The following STXBP6 variants were observed in gnomAD, a reference collection of about 807,000 sequenced individuals.
STXBP6 encodes syntaxin-binding protein 6.
Under a neutral mutation model 26.9 loss-of-function variants are expected in STXBP6, and 21 were observed. That is an observed-to-expected ratio of 0.78 (90% CI 0.55 to 1.12). The LOEUF (loss-of-function observed/expected upper bound fraction) is 1.12. Ranked by LOEUF, STXBP6 falls within the 50% of genes most tolerant of loss-of-function variation. The pLI is 0.00. For synonymous variants in STXBP6, 97 were observed against 92.6 expected (o/e 1.05, Z -0.27); for missense variants, 232 against 257.9 (o/e 0.90, Z 0.69).
intron 1 of STXBP6, among the ~76,000 whole-genome samples, chr14:25,020,544 G>A (rs1043214155): frequency 1.3e-5 from 2 of 151,896 alleles, no homozygotes; most frequent in South Asian, 4.2e-4. Context: ...CAACCCTATC[G>A]AAACTCTGGT....
intron 2 of STXBP6, among the ~76,000 whole-genome samples, chr14:24,946,004 A>G (rs1183580100): frequency 1.3e-5 from 2 of 152,238 alleles, no homozygotes; most frequent in African/African-American, 4.8e-5. Context: ...TGGTGGATCG[A>G]GACATACACC....
Position 25,037,832 on chromosome 14 carries a change from A to C in STXBP6, c.-33+12046T>G, listed in dbSNP as rs1467433111. On this transcript the variant is annotated intron_variant, in intron 1 of 5. Transcript: ENST00000323944. ...TCATCTGGAGATCAAATGGTTTTACACTTTCAAGTGGTCTCTGACTTTACA... is the reference window on the plus strand; with the variant it reads ...TCATCTGGAGATCAAATGGTTTTACCCTTTCAAGTGGTCTCTGACTTTACA... 3.9e-5 allele frequency among the ~76,000 whole-genome samples: 6 copies of C among 152,344 alleles called. No homozygotes were observed. In the East Asian group the frequency reaches 7.7e-4, roughly 20 times the overall value.
At chr14:24,902,284 C>T (rs990580776) in intron 2 of STXBP6, among the ~76,000 whole-genome samples, 1 of 152,084 alleles carries the variant, frequency 6.6e-6, no homozygotes, top group Non-Finnish European at 1.5e-5. Flanking sequence ...TATGTTAGAA[C>T]TCCATGCCTG....
intron 1 of STXBP6, among the ~76,000 whole-genome samples, chr14:25,033,537 G>A (rs765609305): frequency 2.0e-5 from 3 of 152,096 alleles, no homozygotes; most frequent in Non-Finnish European, 4.4e-5. Flanking sequence ...TCCAGCCATA[G>A]AGGGCTTCTG....
chr14:24,837,619 A>G (rs1415708120), intron 4 of STXBP6, among the ~76,000 whole-genome samples: 1 of 152,200 alleles, frequency 6.6e-6, no homozygotes, highest in Non-Finnish European at 1.5e-5. Context: ...AACACCTAAC[A>G]TCCCAGTCAA....
intron 1 of STXBP6, among the ~76,000 whole-genome samples, chr14:25,026,378 C>G (rs1446572780): frequency 1.3e-5 from 2 of 152,126 alleles, no homozygotes; most frequent in African/African-American, 4.8e-5. Context: ...CCCCTAAAGC[C>G]AGGTGTGCTT....
chr14:24,851,108 G>A (rs2069134317), intron 4 of STXBP6, among the ~76,000 whole-genome samples: 1 of 152,062 alleles, frequency 6.6e-6, no homozygotes, highest in African/African-American at 2.4e-5. Flanking sequence ...CAATGTGGGA[G>A]CCATGTGGGA....
intron 4 of STXBP6, among the ~76,000 whole-genome samples, chr14:24,849,114 C>G (rs2069060805): frequency 6.6e-6 from 1 of 152,064 alleles, no homozygotes. Context: ...CTGGGCTTTT[C>G]TGATTCTATG....
At chr14:24,881,651 G>GA (rs1187425091) in intron 2 of STXBP6, among the ~76,000 whole-genome samples, 1 of 152,170 alleles carries the variant, frequency 6.6e-6, no homozygotes. Context: ...GGGACAGACT[G>GA]AAAAATCACA....
At chr14:25,048,144 G>A (rs1300023686) in intron 1 of STXBP6, among the ~76,000 whole-genome samples, 1 of 152,234 alleles carries the variant, frequency 6.6e-6, no homozygotes, top group Non-Finnish European at 1.5e-5. Flanking sequence ...ACAGAGAGGA[G>A]AGAAGACCTA....
intron 4 of STXBP6, among the ~76,000 whole-genome samples, chr14:24,828,699 T>A (rs185794227): frequency 1.8e-4 from 27 of 152,334 alleles, no homozygotes; most frequent in African/African-American, 6.5e-4. Context: ...GTAGTGAATG[T>A]GTTCTCCTCT....
At chr14:24,941,081 G>C (rs2072786692) in intron 2 of STXBP6, among the ~76,000 whole-genome samples, 1 of 152,026 alleles carries the variant, frequency 6.6e-6, no homozygotes, top group African/African-American at 2.4e-5. Context: ...ACAAGCAGGA[G>C]ATATATCTCA....
At chr14:24,934,164 T>G (rs1352798180) in intron 2 of STXBP6, among the ~76,000 whole-genome samples, 1 of 152,176 alleles carries the variant, frequency 6.6e-6, no homozygotes, top group Non-Finnish European at 1.5e-5. Flanking sequence ...AGAAGAAAAC[T>G]TCCTGAAATA....
intron 4 of STXBP6, among the ~76,000 whole-genome samples, chr14:24,834,405 T>A (rs373406965): frequency 2.8e-4 from 43 of 152,378 alleles, no homozygotes; most frequent in African/African-American, 9.1e-4. Flanking sequence ...ATATTTAGTG[T>A]TCCACTCATT....
chr14:24,890,494 A>G (rs1241112495), intron 2 of STXBP6, among the ~76,000 whole-genome samples: 2 of 152,206 alleles, frequency 1.3e-5, no homozygotes, highest in Non-Finnish European at 2.9e-5. Context: ...AGAAAACTAA[A>G]AAAAAATTAA....
At chr14:24,994,667 A>G (rs1307403034) in intron 1 of STXBP6, among the ~76,000 whole-genome samples, 1 of 152,192 alleles carries the variant, frequency 6.6e-6, no homozygotes, top group Non-Finnish European at 1.5e-5. Context: ...CCATGAATCC[A>G]TGAATTCTAG....
At chr14:24,973,504 G>A (rs1201240077) in intron 2 of STXBP6, among the ~76,000 whole-genome samples, 1 of 148,698 alleles carries the variant, frequency 6.7e-6, no homozygotes, top group African/African-American at 2.5e-5. Context: ...TCCTGTCTCA[G>A]CCGCCTGAGT....
rs1038317025 is a variant in STXBP6 at position 24,988,923 on chromosome 14, C to T, written c.-32-14073G>A. Reference sequence around the variant, plus strand: ...AGTGGGAGAAGTAGGCAGAAAACTACTTTAAAAATGTTCATCCCCACCTAC... The same window carrying T: ...AGTGGGAGAAGTAGGCAGAAAACTATTTTAAAAATGTTCATCCCCACCTAC... On this transcript the variant is annotated intron_variant, in intron 1 of 5. Transcript: ENST00000323944. Among the ~76,000 whole-genome samples, 3 of 152,306 alleles carry T rather than the reference C, an allele frequency of 2.0e-5. No individual in the cohort carries two copies. The East Asian group carries it at 5.8e-4, about 29-fold the overall frequency.
intron 2 of STXBP6, among the ~76,000 whole-genome samples, chr14:24,938,819 T>A (rs557875058): frequency 6.6e-6 from 1 of 152,280 alleles, no homozygotes; most frequent in African/African-American, 2.4e-5. Flanking sequence ...TGGCTAGACA[T>A]TCCTAACAGA....
Sources: gnomAD v4.1 joint callset for allele counts (sites outside exome capture counted in the v4.1 genomes callset) on GRCh38, gnomAD v4.1.1 for gene constraint, MANE v1.5 for transcripts, NCBI Gene and HGNC (gene_info 2026-07-23, HGNC 2026-07-21) for gene names.